Variants in MECOM observed in about 807,000 individuals in gnomAD.
MECOM encodes MDS1 and EVI1 complex locus.
MECOM carries 13 observed loss-of-function variants against 116.3 expected under a neutral mutation model. The ratio of observed to expected loss-of-function variants is 0.11; its 90% confidence interval spans 0.07 to 0.18. The LOEUF (loss-of-function observed/expected upper bound fraction) is 0.18, where lower values mean the gene tolerates loss of function less well. Among genes scored for constraint, MECOM ranks in the 10% least tolerant of loss-of-function variants. The pLI, the probability that MECOM is intolerant of heterozygous loss-of-function variation, is 1.00. For synonymous variants in MECOM, 528 were observed against 535.2 expected (o/e 0.99, Z 0.19); for missense variants, 1,299 against 1,509.0 (o/e 0.86, Z 2.31).
At chr3:169,476,127 T>C (rs1393139314) in intron 1 of MECOM, among the ~76,000 whole-genome samples, 1 of 152,152 alleles carries the variant, frequency 6.6e-6, no homozygotes, top group African/African-American at 2.4e-5. Context: ...GGGAAACATA[T>C]ATATAGTATT....
chr3:169,201,642 A>G (rs1480774683), intron 2 of MECOM, among the ~76,000 whole-genome samples: 2 of 152,128 alleles, frequency 1.3e-5, no homozygotes, highest in East Asian at 3.9e-4. Context: ...TTTTTCACCA[A>G]TCATTCAATA....
intron 1 of MECOM, among the ~76,000 whole-genome samples, chr3:169,573,528 A>G (rs1180121407): frequency 6.6e-6 from 1 of 152,198 alleles, no homozygotes; most frequent in Non-Finnish European, 1.5e-5. Context: ...CTATCTTTGT[A>G]TAACTACAGA....
intron 1 of MECOM, among the ~76,000 whole-genome samples, chr3:169,604,390 CG>C (rs1218837764): frequency 2.0e-5 from 3 of 152,160 alleles, no homozygotes; most frequent in Non-Finnish European, 4.4e-5. Flanking sequence ...ATTTCACAGA[CG>C]AGAAACCTGA....
intron 2 of MECOM, among the ~76,000 whole-genome samples, chr3:169,189,310 T>A (rs561724186): frequency 1.2e-3 from 176 of 151,708 alleles, no homozygotes; most frequent in African/African-American, 4.0e-3. Flanking sequence ...AAATCCAGTA[T>A]AATCACTGAA....
At chr3:169,318,258 G>T (rs60809419) in intron 2 of MECOM, among the ~76,000 whole-genome samples, 1 of 151,976 alleles carries the variant, frequency 6.6e-6, no homozygotes. Flanking sequence ...CACAAAAGCC[G>T]AAATACATAA....
chr3:169,385,735 T>G (rs1291566021), intron 1 of MECOM, among the ~76,000 whole-genome samples: 1 of 152,224 alleles, frequency 6.6e-6, no homozygotes, highest in Non-Finnish European at 1.5e-5. Flanking sequence ...AATTATCATA[T>G]CCCCATTAAA....
intron 1 of MECOM, among the ~76,000 whole-genome samples, chr3:169,541,233 C>A (rs1411666007): frequency 6.6e-6 from 1 of 152,120 alleles, no homozygotes; most frequent in Non-Finnish European, 1.5e-5. Flanking sequence ...CTATGAGGGG[C>A]AATGTTTTAG....
rs755921032 is a variant in MECOM at position 169,472,400 on chromosome 3, T to TAGAGG, written c.38-90881_38-90877dup. Among the ~76,000 whole-genome samples the TAGAGG allele has an allele frequency of 4.2e-3, 356 of 83,860 alleles. 1 individual carries two copies. Among genetic ancestry groups the TAGAGG allele is most frequent in the African/African-American group, 9.2e-3 (183 of 19,930 alleles). The allele number at this position is 83,860 out of a possible 152,430, so 55.0% of individuals were successfully genotyped here. ...CATCTCTAAAAAAAAGGAAAAATAA[T>TAGAGG]AGAGGAGAGGAGAGGAGAGGAAAGG... On this transcript the variant is annotated intron_variant, in intron 1 of 16. Transcript: ENST00000651503.
At chr3:169,446,436 T>C (rs1199258935) in intron 1 of MECOM, among the ~76,000 whole-genome samples, 1 of 152,190 alleles carries the variant, frequency 6.6e-6, no homozygotes, top group African/African-American at 2.4e-5. Flanking sequence ...TCCCCAGCCA[T>C]GTGGAACTGT....
At chr3:169,472,118 C>T (rs551555794) in intron 1 of MECOM, among the ~76,000 whole-genome samples, 6 of 151,912 alleles carry the variant, frequency 3.9e-5, no homozygotes, top group Non-Finnish European at 8.8e-5. Context: ...CCCTATAGTG[C>T]TTATTATACA....
At chr3:169,146,280 G>T in intron 2 of MECOM, 2 of 1,253,594 alleles carry the variant, frequency 1.6e-6, no homozygotes, top group Non-Finnish European at 2.0e-6. Flanking sequence ...CACGATGTTG[G>T]ACAGCAAAGC....
chr3:169,194,940 A>G (rs934549306), intron 2 of MECOM, among the ~76,000 whole-genome samples: 1 of 152,076 alleles, frequency 6.6e-6, no homozygotes, highest in African/African-American at 2.4e-5. Flanking sequence ...GTAGTCTACA[A>G]GAGAGATGAA....
At chr3:169,550,321 C>G (rs986078757) in intron 1 of MECOM, among the ~76,000 whole-genome samples, 1 of 152,184 alleles carries the variant, frequency 6.6e-6, no homozygotes, top group Non-Finnish European at 1.5e-5. Flanking sequence ...AGGTTAAAGG[C>G]TCATTTTACT....
At chr3:169,150,907 G>A (rs900170777) in intron 2 of MECOM, among the ~76,000 whole-genome samples, 2 of 152,084 alleles carry the variant, frequency 1.3e-5, no homozygotes, top group Admixed American at 1.3e-4. Context: ...CCCTCCTCAG[G>A]CCCCTTCCTT....
At chr3:169,263,401 T>A (rs1383193623) in intron 2 of MECOM, among the ~76,000 whole-genome samples, 1 of 151,642 alleles carries the variant, frequency 6.6e-6, no homozygotes, top group East Asian at 1.9e-4. Flanking sequence ...GTGCTGGGAT[T>A]ACAGATGTGA....
chr3:169,496,344 A>G (rs1461942823), intron 1 of MECOM, among the ~76,000 whole-genome samples: 1 of 152,238 alleles, frequency 6.6e-6, no homozygotes, highest in Admixed American at 6.5e-5. Context: ...ATTATCCCTT[A>G]GCTAAGAGCT....
At chr3:169,414,364 T>C (rs1738159526) in intron 1 of MECOM, among the ~76,000 whole-genome samples, 1 of 151,886 alleles carries the variant, frequency 6.6e-6, no homozygotes, top group African/African-American at 2.4e-5. Context: ...AGGACAACCA[T>C]GCAAAACCTC....
At chr3:169,193,643 T>C (rs1187746565) in intron 2 of MECOM, among the ~76,000 whole-genome samples, 3 of 151,860 alleles carry the variant, frequency 2.0e-5, no homozygotes, top group African/African-American at 7.2e-5. Flanking sequence ...TGGAAAAACA[T>C]TTAAAGAAAA....
chr3:169,529,703 GT>G (rs771333663), intron 1 of MECOM, among the ~76,000 whole-genome samples: 3 of 152,164 alleles, frequency 2.0e-5, no homozygotes, highest in Non-Finnish European at 2.9e-5. Context: ...TTGTTCGTTT[GT>G]TTTAGTAACT....
Sources: allele counts gnomAD v4.1 joint callset (sites outside exome capture counted in the v4.1 genomes callset), GRCh38; gene constraint gnomAD v4.1.1; transcripts MANE v1.5; gene names NCBI Gene and HGNC (gene_info 2026-07-23, HGNC 2026-07-21).